Variants in DHRS4 observed in about 807,000 individuals in gnomAD.
The protein encoded by DHRS4 is dehydrogenase/reductase SDR family member 4.
In DHRS4, 20 loss-of-function variants were observed where a neutral mutation model predicts 28.4. The observed-to-expected ratio is 0.71, with a 90% CI of 0.50 to 1.02. DHRS4 has a LOEUF of 1.02. Among genes scored for constraint, DHRS4 ranks in the 50% least tolerant of loss-of-function variants. DHRS4 has a pLI of 0.00. For synonymous variants in DHRS4, 144 were observed against 146.4 expected (o/e 0.98, Z 0.12); for missense variants, 378 against 367.2 (o/e 1.03, Z -0.24).
At chr14:23,966,258 C>T (rs765778488) in intron 5 of DHRS4, 25 bp from the exon 6 acceptor site, 2 of 1,602,280 alleles carry the variant, frequency 1.2e-6, no homozygotes, top group Admixed American at 1.7e-5. Flanking sequence ...AACTATGAGT[C>T]TAACACATTC....
chr14:23,967,253 C>G lies in DHRS4; in HGVS notation c.709C>G (p.Leu237Val). Reference sequence around the variant, plus strand: ...AAAAGAGGAAAGCATGAAAGAAACCCTGCGGATAAGAAGGTAAACTGTCAT... The same window carrying G: ...AAAAGAGGAAAGCATGAAAGAAACCGTGCGGATAAGAAGGTAAACTGTCAT... ...KEKEESMKET[L>V]RIRRLGEPED... The change falls in exon 7 of 8, where the codon CTG becomes GTG. Residue 237 changes from leucine to valine, a missense_variant. By Grantham distance (32) the Leu-to-Val change is conservative. Coordinates refer to ENST00000313250, the MANE Select transcript of DHRS4 (RefSeq NM_021004.4). The G allele has an allele frequency of 6.2e-7, 1 of 1,612,848 alleles. No individual in the cohort carries two copies. The highest frequency in any genetic ancestry group is 8.5e-7 in the Non-Finnish European group (1 of 1,179,530).
At chr14:23,965,103 G>A (rs1317229337) in intron 3 of DHRS4, among the ~76,000 whole-genome samples, 1 of 151,164 alleles carries the variant, frequency 6.6e-6, no homozygotes, top group Non-Finnish European at 1.5e-5. Flanking sequence ...CAATTTTTCT[G>A]TAAGATTGAA....
intron 3 of DHRS4, among the ~76,000 whole-genome samples, chr14:23,964,220 TAAAAAAAAAA>T (rs71119059): frequency 0.12 from 4,156 of 34,110 alleles, 485 homozygotes; most frequent in Non-Finnish European, 0.16. Context: ...CTGCAATTTG[TAAAAAAAAAA>T]AAAAAAAAAA....
chr14:23,957,247 G>C (rs1467868234), intron 2 of DHRS4, among the ~76,000 whole-genome samples: 1 of 152,320 alleles, frequency 6.6e-6, no homozygotes, highest in East Asian at 1.9e-4. Flanking sequence ...CAAGTAGTTT[G>C]TATGACCATT....
At chr14:23,959,113 T>A (rs1394207611) in intron 2 of DHRS4, among the ~76,000 whole-genome samples, 2 of 151,956 alleles carry the variant, frequency 1.3e-5, no homozygotes, top group Non-Finnish European at 2.9e-5. Context: ...GAAATGTGGG[T>A]GGAACTCAGT....
chr14:23,961,782 G>T (rs2033425335), intron 3 of DHRS4, among the ~76,000 whole-genome samples: 1 of 118,140 alleles, frequency 8.5e-6, no homozygotes, highest in African/African-American at 4.1e-5. Context: ...CAAAATATTG[G>T]GATTGCAGGC....
intron 1 of DHRS4, chr14:23,954,139 T>C: frequency 4.5e-6 from 3 of 661,476 alleles, no homozygotes; most frequent in South Asian, 1.9e-5. Flanking sequence ...GGCACAACTG[T>C]GCCACCTCTG....
chr14:23,962,901 G>A (rs2033475761), intron 3 of DHRS4, among the ~76,000 whole-genome samples: 1 of 146,496 alleles, frequency 6.8e-6, no homozygotes, highest in South Asian at 2.1e-4. Context: ...TCCATGGGCT[G>A]CAGAATGGAT....
At chr14:23,955,706 C>T (rs995520837) in intron 2 of DHRS4, among the ~76,000 whole-genome samples, 1 of 152,152 alleles carries the variant, frequency 6.6e-6, no homozygotes, top group African/African-American at 2.4e-5. Flanking sequence ...CAGACCCTGG[C>T]TCAGATAGCT....
At chr14:23,959,777 C>A (rs2033331819) in intron 2 of DHRS4, 125 bp from the exon 3 acceptor site, 2 of 1,216,968 alleles carry the variant, frequency 1.6e-6, no homozygotes, top group African/African-American at 3.0e-5. Flanking sequence ...CCTTGGCCTC[C>A]CAAAGTGCCA....
intron 5 of DHRS4, 57 bp from the exon 6 acceptor site, chr14:23,966,226 T>G (rs534398964): frequency 6.3e-7 from 1 of 1,584,140 alleles, no homozygotes; most frequent in Non-Finnish European, 8.6e-7. Context: ...TGTCTAGTTA[T>G]TAGAACCAAG....
chr14:23,956,314 A>C (rs1233044868), intron 2 of DHRS4, among the ~76,000 whole-genome samples: 2 of 152,254 alleles, frequency 1.3e-5, no homozygotes, highest in African/African-American at 2.4e-5. Context: ...ATGTAATGTG[A>C]AAATCCTCCC....
intron 5 of DHRS4, 119 bp from the exon 6 acceptor site, chr14:23,966,164 C>T (rs548692926): frequency 1.6e-4 from 259 of 1,575,596 alleles, no homozygotes; most frequent in Middle Eastern, 5.5e-4. Context: ...CAAGACAGTT[C>T]CCTAACTCTG....
At chr14:23,966,747 G>C (rs868198637) in intron 6 of DHRS4, among the ~76,000 whole-genome samples, 2 of 152,218 alleles carry the variant, frequency 1.3e-5, no homozygotes, top group Admixed American at 1.3e-4. Context: ...GGAGAGCTGG[G>C]AGCTAGAAAA....
chr14:23,960,500 TA>T (rs2033373864), intron 3 of DHRS4, among the ~76,000 whole-genome samples: 1 of 151,988 alleles, frequency 6.6e-6, no homozygotes, highest in Non-Finnish European at 1.5e-5. Context: ...AAAAATAAAA[TA>T]AAAACCTATA....
At chr14:23,953,987 C>T (rs1594407413) in intron 1 of DHRS4, 71 bp downstream of exon 1, 5 of 1,537,748 alleles carry the variant, frequency 3.3e-6, no homozygotes, top group South Asian at 2.4e-5. Flanking sequence ...CATCCTCGGC[C>T]TCCGGTGCCC....
At chr14:23,954,999 C>T (rs774789384) in intron 1 of DHRS4, 36 bp from the exon 2 acceptor site, 2 of 1,611,818 alleles carry the variant, frequency 1.2e-6, no homozygotes, top group Non-Finnish European at 1.7e-6. Context: ...TTCCCCTGCA[C>T]AGGCCTTAGC....
Position 23,953,912 on chromosome 14 carries a change from G to A in DHRS4, c.124G>A (p.Asp42Asn). 1.3e-6 allele frequency: 2 copies of A among 1,589,014 alleles called. No individual in the cohort carries two copies. Among genetic ancestry groups the A allele is most frequent in the South Asian group, 1.1e-5 (1 of 88,654 alleles). Residue 42 changes from aspartate to asparagine, a missense_variant, in exon 1 of 8, where the codon GAC becomes AAC. Physicochemically the swap from Asp to Asn is conservative, Grantham distance 23 (BLOSUM62 1). Coordinates refer to ENST00000313250, the MANE Select transcript of DHRS4 (RefSeq NM_021004.4). ...GGTGGCCCTGGTAACGGCCTCCACCGACGGGTGAGTGCTCCGGCCGGAGTT... is the reference window on the plus strand; with the variant it reads ...GGTGGCCCTGGTAACGGCCTCCACCAACGGGTGAGTGCTCCGGCCGGAGTT... ...NKVALVTAST[D>N]GIGFAIARRL...
intron 6 of DHRS4, among the ~76,000 whole-genome samples, chr14:23,966,682 C>T (rs1482870117): frequency 3.9e-5 from 6 of 152,076 alleles, no homozygotes; most frequent in East Asian, 1.9e-4. Flanking sequence ...ATTGGAGAGA[C>T]GCAGCAAAAT....
Sources: allele counts gnomAD v4.1 joint callset (sites outside exome capture counted in the v4.1 genomes callset), GRCh38; gene constraint gnomAD v4.1.1; transcripts MANE v1.5; gene names NCBI Gene and HGNC (gene_info 2026-07-23, HGNC 2026-07-21).